EBF4: variants seen among roughly 807,000 people sequenced by gnomAD.
The protein encoded by EBF4 is transcription factor COE4.
EBF4 carries 34 observed loss-of-function variants against 67.1 expected under a neutral mutation model. The ratio of observed to expected loss-of-function variants is 0.51; its 90% CI spans 0.39 to 0.67. The LOEUF is 0.67. Among genes scored for constraint, EBF4 ranks in the 30% least tolerant of loss-of-function variants. EBF4 has a pLI of 0.00. For synonymous variants in EBF4, 387 were observed against 377.7 expected (o/e 1.02, Z -0.29); for missense variants, 837 against 873.3 (o/e 0.96, Z 0.52).
chr20:2,743,631 G>A (rs868053644), intron 6 of EBF4, among the ~76,000 whole-genome samples: 18 of 152,276 alleles, frequency 1.2e-4, no homozygotes, highest in Admixed American at 7.2e-4. Context: ...GGGAGGGAGG[G>A]AGAGGCAAGG....
In EBF4 at chr20:2,706,024, G is replaced by C. The variant is rs545144369; in HGVS notation, c.345G>C (p.Leu115=). 5 of 1,551,592 alleles carry C rather than the reference G, an allele frequency of 3.2e-6. No homozygotes were observed. The African/African-American group carries it at 4.1e-5, about 13-fold the overall frequency. The change falls in exon 3 of 17, where the codon CTG becomes CTC. Residue 115 remains leucine, a synonymous_variant. Coordinates refer to ENST00000609451, the Ensembl canonical transcript of EBF4. ...ATGGGATCCATTACCGCCTCCGGCTGGTGTATAACAATGGTGAGTGGAGGC... is the reference window on the plus strand; with the variant it reads ...ATGGGATCCATTACCGCCTCCGGCTCGTGTATAACAATGGTGAGTGGAGGC...
At chr20:2,741,226 C>A (rs2087963557) in intron 6 of EBF4, among the ~76,000 whole-genome samples, 1 of 152,048 alleles carries the variant, frequency 6.6e-6, no homozygotes, top group South Asian at 2.1e-4. Flanking sequence ...GTGAGAGGAT[C>A]ACTTAAGCCT....
chr20:2,728,421 A>G (rs548800431), intron 6 of EBF4, among the ~76,000 whole-genome samples: 31 of 152,268 alleles, frequency 2.0e-4, no homozygotes, highest in African/African-American at 7.0e-4. Context: ...TGGGTTTGGT[A>G]AAAGGGTCTT....
chr20:2,741,312 A>G (rs1400713535), intron 6 of EBF4, among the ~76,000 whole-genome samples: 1 of 148,944 alleles, frequency 6.7e-6, no homozygotes, highest in Admixed American at 6.7e-5. Flanking sequence ...ACCCTGACTG[A>G]AAAAAAAAAG....
chr20:2,758,978 A>G, exon 16 of EBF4: 3 of 1,551,674 alleles, frequency 1.9e-6, no homozygotes, highest in East Asian at 4.9e-5. Context: ...GCATACTCCT[A>G]ATTACGGTAG....
chr20:2,713,716 G>T (rs2087572553), intron 6 of EBF4, among the ~76,000 whole-genome samples: 1 of 152,122 alleles, frequency 6.6e-6, no homozygotes, highest in Non-Finnish European at 1.5e-5. Context: ...AAAAATGGAA[G>T]GATTTAAGCT....
Position 2,747,643 on chromosome 20 carries a change from AG to A in EBF4, c.558-904del, listed in dbSNP as rs1013236802. Among the ~76,000 whole-genome samples, 1 of 152,150 alleles carries A rather than the reference AG, an allele frequency of 6.6e-6. No homozygotes were observed. Among genetic ancestry groups the A allele is most frequent in the Non-Finnish European group, 1.5e-5 (1 of 68,024 alleles). ...TAATGGATATAAAATGTGTGGGAGG[AG>A]GATATGCCATGTGGGAGGTGAATTT... On this transcript the variant is annotated intron_variant, in intron 6 of 16. Coordinates refer to ENST00000609451, the Ensembl canonical transcript of EBF4. This position sits in a 1 kb window ranked among gnomAD's most constrained non-coding sequence, Gnocchi z 4.6.
intron 6 of EBF4, among the ~76,000 whole-genome samples, chr20:2,713,339 A>T (rs2087567631): frequency 6.6e-6 from 1 of 152,230 alleles, no homozygotes; most frequent in Admixed American, 6.5e-5. Context: ...AAATGGGTAT[A>T]TCCAAGTGGG....
In EBF4 at chr20:2,755,884, G is replaced by C. The variant is rs2088236357; in HGVS notation, c.1738+60G>C. The C allele has an allele frequency of 6.8e-7, 1 of 1,464,814 alleles. No homozygotes were observed. The highest frequency in any genetic ancestry group is 9.2e-7 in the Non-Finnish European group (1 of 1,089,166). 90.7% of individuals were successfully genotyped at this position (1,464,814 alleles called of 1,614,324 possible). A position where few individuals can be genotyped will look rare whatever the true frequency, so the allele number is the denominator to read the frequency against. ...GGAAGGGCCCTTGTGGAGCAGCTGG[G>C]CTACAGGGGCCTGCTCTGTCCACAT... is the stretch of plus-strand genomic sequence containing the variant. On this transcript the variant is annotated intron_variant, in intron 15 of 16. Coordinates refer to ENST00000609451, the Ensembl canonical transcript of EBF4. This position sits in a 1 kb window ranked among gnomAD's most constrained non-coding sequence, Gnocchi z 4.7.
At chr20:2,757,538 G>C (rs186616657) in intron 15 of EBF4, among the ~76,000 whole-genome samples, 7 of 152,352 alleles carry the variant, frequency 4.6e-5, no homozygotes, top group Admixed American at 4.6e-4. Context: ...CCCAAGCAAG[G>C]TTTGAAGAAG....
At chr20:2,720,570 A>G (rs1035159488) in intron 6 of EBF4, among the ~76,000 whole-genome samples, 4 of 152,164 alleles carry the variant, frequency 2.6e-5, no homozygotes, top group Non-Finnish European at 4.4e-5. Flanking sequence ...ACTTACTGCA[A>G]TCTACCTTCA....
Position 2,700,264 on chromosome 20 carries a change from C to T in EBF4, c.138-5313C>T, listed in dbSNP as rs1239630203. 3.9e-5 allele frequency among the ~76,000 whole-genome samples: 6 copies of T among 152,056 alleles called. No individual in the cohort carries two copies. The East Asian group carries it at 5.8e-4, about 15-fold the overall frequency. Reference sequence around the variant, plus strand: ...TCTCACCCCCAACCCCCAGTGTTTCCGAATCACTGCCCAGATAACACTGTT... The same window carrying T: ...TCTCACCCCCAACCCCCAGTGTTTCTGAATCACTGCCCAGATAACACTGTT... On this transcript the variant is annotated intron_variant, in intron 1 of 16. Transcript: ENST00000609451.
chr20:2,729,697 G>A (rs1001146480), intron 6 of EBF4, among the ~76,000 whole-genome samples: 9 of 152,144 alleles, frequency 5.9e-5, no homozygotes, highest in South Asian at 2.1e-4. Flanking sequence ...CTACATTGTC[G>A]TTCTTAACTT....
At chr20:2,748,416 T>C in intron 6 of EBF4, 133 bp from the exon 7 acceptor site, 1 of 790,078 alleles carries the variant, frequency 1.3e-6, no homozygotes. Context: ...GATGGGAATA[T>C]GGGATGTGTG....
chr20:2,718,632 T>C, intron 6 of EBF4, among the ~76,000 whole-genome samples: 1 of 152,236 alleles, frequency 6.6e-6, no homozygotes, highest in East Asian at 1.9e-4. Context: ...TGATGTCACC[T>C]CTCTCATTCC....
At chr20:2,713,859 A>G (rs764661336) in intron 6 of EBF4, among the ~76,000 whole-genome samples, 14 of 152,102 alleles carry the variant, frequency 9.2e-5, no homozygotes, top group Non-Finnish European at 1.3e-4. Context: ...TGCAGATGGG[A>G]TTCAGGGTTG....
At chr20:2,723,348 AT>A (rs1351969219) in intron 6 of EBF4, among the ~76,000 whole-genome samples, 2 of 151,024 alleles carry the variant, frequency 1.3e-5, no homozygotes, top group African/African-American at 2.4e-5. Context: ...ATTTATTTTT[AT>A]TTTTTTTTAT....
intron 6 of EBF4, among the ~76,000 whole-genome samples, chr20:2,737,255 A>G (rs892949605): frequency 6.8e-6 from 1 of 147,620 alleles, no homozygotes; most frequent in Non-Finnish European, 1.5e-5. Context: ...CGTCTCAAAA[A>G]AAAAAAAAAA....
At chr20:2,740,824 G>A (rs1397610636) in intron 6 of EBF4, among the ~76,000 whole-genome samples, 1 of 152,152 alleles carries the variant, frequency 6.6e-6, no homozygotes, top group East Asian at 1.9e-4. Flanking sequence ...TGGCCAGAGA[G>A]TTGGTCCTCC....
Sources: gnomAD v4.1 joint callset for allele counts (sites outside exome capture counted in the v4.1 genomes callset) on GRCh38, gnomAD v4.1.1 for gene constraint, Gnocchi (gnomAD v3.1) non-coding constraint, MANE v1.5 for transcripts, NCBI Gene and HGNC (gene_info 2026-07-23, HGNC 2026-07-21) for gene names.